Variants in ZNF414 observed in about 807,000 individuals in gnomAD.
ZNF414 encodes the protein zinc finger protein 414.
Under a neutral mutation model 38.3 loss-of-function variants are expected in ZNF414, and 32 were observed. That is an observed-to-expected ratio of 0.83 (90% CI 0.63 to 1.12). The LOEUF is 1.12. Among genes scored for constraint, ZNF414 ranks in the 50% most tolerant of loss-of-function variants. The pLI, the probability that ZNF414 is intolerant of heterozygous loss-of-function variation, is 0.00. For synonymous variants in ZNF414, 256 were observed against 248.0 expected (o/e 1.03, Z -0.30); for missense variants, 589 against 557.4 (o/e 1.06, Z -0.57).
At position 8,511,488 on chromosome 19, in the gene ZNF414, G is replaced by A; in HGVS notation, c.923C>T (p.Ser308Leu). The change falls in exon 6 of 8, where the codon TCA becomes TTA. Residue 308 changes from serine to leucine, a missense_variant and splice_region_variant. Ser to Leu is a moderately radical substitution (Grantham distance 145). Coordinates refer to ENST00000393927, the MANE Select transcript of ZNF414 (RefSeq NM_001146175.2). ...CCCTGGTGGTCACCTGCACGCACCTGAGGGCGCGTCGGAGCCGCCCTGGGG... is the reference window on the plus strand; with the variant it reads ...CCCTGGTGGTCACCTGCACGCACCTAAGGGCGCGTCGGAGCCGCCCTGGGG... ...RRPQGGSDAP[S>L]GHAAPSRIVW... The A allele has an allele frequency of 6.2e-7, 1 of 1,610,892 alleles. No individual in the cohort carries two copies.
chr19:8,513,028 C>G lies in ZNF414; in HGVS notation c.316+1G>C. ...CCCCAGAAGACCCCATCACAGATCA[C>G]CTGGAGGTGGGCGTCGTCTGGGAGG... On this transcript the variant is annotated splice_donor_variant, in intron 2 of 7. Transcript: ENST00000393927. LOFTEE classifies it high-confidence loss of function. The G allele has an allele frequency of 6.9e-7, 1 of 1,458,192 alleles. No individual in the cohort carries two copies. The highest frequency in any genetic ancestry group is 9.0e-7 in the Non-Finnish European group (1 of 1,107,218). 90.3% of individuals were successfully genotyped at this position (1,458,192 alleles called of 1,614,324 possible).
At chr19:8,512,315 G>A in intron 4 of ZNF414, 72 bp downstream of exon 4, 2 of 1,576,878 alleles carry the variant, frequency 1.3e-6, no homozygotes, top group Non-Finnish European at 8.7e-7. Flanking sequence ...TGACCAGGAA[G>A]GGAGGAAGGC....
At position 8,512,413 on chromosome 19, in the gene ZNF414, C is replaced by T; in HGVS notation, c.504G>A (p.Leu168=). 6.2e-7 allele frequency: 1 copy of T among 1,614,060 alleles called. No individual in the cohort carries two copies. Among genetic ancestry groups the T allele is most frequent in the Non-Finnish European group, 8.5e-7 (1 of 1,180,016 alleles). ...TGAAGTAGCGATTGGGTTTGTAGTG[C>T]AGTTTGCTGTGAGCCACCAGCTCCT... ...SMQELVAHSK[L]HYKPNRYFKC... Residue 168 remains leucine, a synonymous_variant, in exon 4 of 8, where the codon CTG becomes CTA. Coordinates refer to ENST00000393927, the MANE Select transcript of ZNF414 (RefSeq NM_001146175.2).
In ZNF414 at chr19:8,511,795, C is replaced by G. The variant is rs777156437; in HGVS notation, c.696G>C (p.Pro232=). 7 of 1,403,824 alleles carry G rather than the reference C, an allele frequency of 5.0e-6. No individual in the cohort carries two copies. The highest frequency in any genetic ancestry group is 5.5e-6 in the Non-Finnish European group (6 of 1,087,284). 87.0% of individuals were successfully genotyped at this position (1,403,824 alleles called of 1,614,324 possible). Residue 232 remains proline, a synonymous_variant, in exon 5 of 8, where the codon CCG becomes CCC. Coordinates refer to ENST00000393927, the MANE Select transcript of ZNF414 (RefSeq NM_001146175.2). The part of the protein sequence containing the change: ...RPPEVDPASA[P]GLPFPLLEPF... ...GTTCCAGCAGCGGGAACGGCAGGCC[C>G]GGCGCTGATGCGGGGTCAACCTCCG...
intron 6 of ZNF414, 178 bp from the exon 7 acceptor site, chr19:8,511,202 T>G: frequency 1.5e-6 from 2 of 1,316,550 alleles, no homozygotes; most frequent in Non-Finnish European, 1.9e-6. Context: ...GGCACCCAAC[T>G]TGGCTTCTCC....
chr19:8,512,063 G>T (rs73002688), intron 4 of ZNF414, 103 bp from the exon 5 acceptor site: 304,567 of 1,397,052 alleles, frequency 0.22, 36,480 homozygotes, highest in Non-Finnish European at 0.25. Flanking sequence ...ACGGAGCCTG[G>T]GCACTAATCA....
rs762315083 is a variant in ZNF414, at chr19:8,512,473, T to C, written c.444A>G (p.Ser148=). 1 of 1,613,484 alleles carries C rather than the reference T, an allele frequency of 6.2e-7. No individual in the cohort carries two copies. Among genetic ancestry groups the C allele is most frequent in the Admixed American group, 1.7e-5 (1 of 59,954 alleles). The part of the protein sequence containing the change: ...QSLEGKLFRC[S]ALSCTETFPS... Reference sequence around the variant, plus strand: ...GGAAGGTCTCGGTGCAGCTCAGGGCTGAGCAGCGGAAGAGCTTGCCTGGTA... The same window carrying C: ...GGAAGGTCTCGGTGCAGCTCAGGGCCGAGCAGCGGAAGAGCTTGCCTGGTA... Residue 148 remains serine, a synonymous_variant, in exon 4 of 8, where the codon TCA becomes TCG. Coordinates refer to ENST00000393927, the MANE Select transcript of ZNF414 (RefSeq NM_001146175.2).
In ZNF414 at chr19:8,511,920, G is replaced by C; in HGVS notation, c.571C>G (p.Leu191Val). Reference protein sequence around the residue: ...CLLRFRTHRSLFKHLHVCAEH... With the variant: ...CLLRFRTHRSVFKHLHVCAEH... ...GCGCAAACATGCAGGTGCTTGAAGA[G>C]CGAGCGGTGCGTGCGGAAGCGCAGG... The change falls in exon 5 of 8, where the codon CTC (leucine) becomes GTC (valine). Residue 191 changes from leucine to valine, a missense_variant. Coordinates refer to ENST00000393927, the MANE Select transcript of ZNF414 (RefSeq NM_001146175.2). 7.1e-7 allele frequency: 1 copy of C among 1,416,960 alleles called. No homozygotes were observed. Among genetic ancestry groups the C allele is most frequent in the Non-Finnish European group, 9.1e-7 (1 of 1,093,504 alleles). 87.8% of individuals were successfully genotyped at this position (1,416,960 alleles called of 1,614,324 possible).
chr19:8,511,690 C>T lies in ZNF414; in HGVS notation c.801G>A (p.Pro267=). The part of the protein sequence containing the change: ...LNPAPFGLSP[P]RLRPFLAAAP... ...CAGCGGCCAGGAAGGGGCGCAGGCG[C>T]GGGGGGCTTAGGCCAAAGGGCGCAG... Residue 267 remains proline (P), a synonymous_variant, in exon 5 of 8, where the codon CCG becomes CCA. Transcript: ENST00000393927. 6.7e-7 allele frequency: 1 copy of T among 1,491,430 alleles called. No individual in the cohort carries two copies. Among genetic ancestry groups the T allele is most frequent in the Non-Finnish European group, 8.9e-7 (1 of 1,126,224 alleles). 92.4% of individuals were successfully genotyped at this position (1,491,430 alleles called of 1,614,324 possible).
rs1220764039 is a variant in ZNF414 at position 8,509,944 on chromosome 19, C to G, written c.*747G>C. ...AGGTGCTCCACCTGCCCCAGCCTCC[C>G]AAAGTGCTGGGATTACAGGCGTGAG... On this transcript the variant is annotated 3_prime_UTR_variant, in exon 8 of 8. Coordinates refer to ENST00000393927, the MANE Select transcript of ZNF414 (RefSeq NM_001146175.2). 6.6e-6 allele frequency: 1 copy of G among 151,880 alleles called. No homozygotes were observed. The highest frequency in any genetic ancestry group is 2.4e-5 in the African/African-American group (1 of 41,422). The allele number at this position is 151,880 out of a possible 1,614,324, so 9.4% of individuals were successfully genotyped here. A position where few individuals can be genotyped will look rare whatever the true frequency, so the allele number is the denominator to read the frequency against.
Position 8,511,657 on chromosome 19 carries a change from C to T in ZNF414, c.834G>A (p.Gly278=), listed in dbSNP as rs779237227. ...RLRPFLAAAP[G]PPASSAAVWK... is the part of the protein sequence containing the mutation. The stretch of plus-strand genomic sequence containing the variant: ...AGACGGCGGCGCTGGAAGCCGGCGG[C>T]CCGGGTGCAGCGGCCAGGAAGGGGC... The change falls in exon 5 of 8, where the codon GGG becomes GGA. Residue 278 remains glycine (G), a synonymous_variant. Transcript: ENST00000393927. The T allele has an allele frequency of 1.3e-6, 2 of 1,502,502 alleles. No homozygotes were observed. Among genetic ancestry groups the T allele is most frequent in the Non-Finnish European group, 8.8e-7 (1 of 1,130,128 alleles). 93.1% of individuals were successfully genotyped at this position (1,502,502 alleles called of 1,614,324 possible). A position where few individuals can be genotyped will look rare whatever the true frequency, so the allele number is the denominator to read the frequency against.
Position 8,512,494 on chromosome 19 carries a change from T to C in ZNF414, c.425-2A>G. ...GGGCTGAGCAGCGGAAGAGCTTGCC[T>C]GGTAGGGATGAAGGACAGAGAAGTG... is the stretch of plus-strand genomic sequence containing the variant. On this transcript the variant is annotated splice_acceptor_variant, in intron 3 of 7. Transcript: ENST00000393927. LOFTEE classifies it high-confidence loss of function. The C allele has an allele frequency of 1.2e-6, 2 of 1,613,986 alleles. No individual in the cohort carries two copies. The highest frequency in any genetic ancestry group is 1.7e-6 in the Non-Finnish European group (2 of 1,179,992).
At position 8,512,636 on chromosome 19, in the gene ZNF414, C is replaced by T. The variant is rs756970263; in HGVS notation, c.392G>A (p.Arg131Gln). The change falls in exon 3 of 8, where the codon CGA becomes CAA. Residue 131 changes from arginine to glutamine, a missense_variant. Arg to Gln is a conservative substitution (Grantham distance 43). Transcript: ENST00000393927. Reference protein sequence around the residue: ...PSVRDLAQHLRTHCPPTQSLE... With the variant: ...PSVRDLAQHLQTHCPPTQSLE... Reference sequence around the variant, plus strand: ...GGACTGTGTGGGCGGGCAGTGGGTTCGCAGATGCTGTGCCAGGTCACGGAC... The same window carrying T: ...GGACTGTGTGGGCGGGCAGTGGGTTTGCAGATGCTGTGCCAGGTCACGGAC... The T allele has an allele frequency of 2.1e-5, 33 of 1,592,852 alleles. No individual in the cohort carries two copies. The highest frequency in any genetic ancestry group is 7.9e-5 in the South Asian group (7 of 88,112).
Position 8,510,972 on chromosome 19 carries a change from C to T in ZNF414, c.978G>A (p.Ser326=), listed in dbSNP as rs1293780458. The part of the protein sequence containing the change: ...IVWEHTRGRY[S]CMQCAFSTAS... Reference sequence around the variant, plus strand: ...CCGTGGAGAAGGCGCACTGCATGCACGAGTAGCGGCCGCGTGTGTGCTCCC... The same window carrying T: ...CCGTGGAGAAGGCGCACTGCATGCATGAGTAGCGGCCGCGTGTGTGCTCCC... Residue 326 remains serine, a synonymous_variant, in exon 7 of 8, where the codon TCG becomes TCA. Coordinates refer to ENST00000393927, the MANE Select transcript of ZNF414 (RefSeq NM_001146175.2). 6 of 1,268,078 alleles carry T rather than the reference C, an allele frequency of 4.7e-6. No individual in the cohort carries two copies. The South Asian group carries it at 1.7e-4, about 36-fold the overall frequency. The allele number at this position is 1,268,078 out of a possible 1,614,324, so 78.6% of individuals were successfully genotyped here.
rs1264048287 is a variant in ZNF414, at chr19:8,513,238, G to A, written c.107C>T (p.Ala36Val). 1.6e-5 allele frequency: 25 copies of A among 1,587,670 alleles called. No individual in the cohort carries two copies. Among genetic ancestry groups the A allele is most frequent in the Non-Finnish European group, 2.1e-5 (25 of 1,174,092 alleles). Residue 36 changes from alanine to valine, a missense_variant, in exon 2 of 8, where the codon GCC (alanine) becomes GTC (valine). Coordinates refer to ENST00000393927, the MANE Select transcript of ZNF414 (RefSeq NM_001146175.2). Reference sequence around the variant, plus strand: ...CTCCTCCGACATGGAGGAGGAAGGGGCTGCAGCTGGCACAGCCGGGGACAA... The same window carrying A: ...CTCCTCCGACATGGAGGAGGAAGGGACTGCAGCTGGCACAGCCGGGGACAA... ...EVLSPAVPAA[A>V]PSSSMSEEPG...
Position 8,512,468 on chromosome 19 carries a change from A to C in ZNF414, c.449T>G (p.Leu150Arg). 1 of 1,613,914 alleles carries C rather than the reference A, an allele frequency of 6.2e-7. No homozygotes were observed. Among genetic ancestry groups the C allele is most frequent in the South Asian group, 1.1e-5 (1 of 91,070 alleles). Reference protein sequence around the residue: ...LEGKLFRCSALSCTETFPSMQ... With the variant: ...LEGKLFRCSARSCTETFPSMQ... ...GCTGGGGAAGGTCTCGGTGCAGCTC[A>C]GGGCTGAGCAGCGGAAGAGCTTGCC... Residue 150 changes from leucine to arginine, a missense_variant, in exon 4 of 8, where the codon CTG becomes CGG. Coordinates refer to ENST00000393927, the MANE Select transcript of ZNF414 (RefSeq NM_001146175.2).
intron 4 of ZNF414, 33 bp downstream of exon 4, chr19:8,512,354 G>C: frequency 6.2e-7 from 1 of 1,610,286 alleles, no homozygotes; most frequent in Non-Finnish European, 8.5e-7. Flanking sequence ...GTGAGGCTAG[G>C]GCAGGGCGGA....
At chr19:8,513,409 A>G (rs1830088457) in intron 1 of ZNF414, 68 bp from the exon 2 acceptor site, 3 of 1,434,422 alleles carry the variant, frequency 2.1e-6, no homozygotes, top group Non-Finnish European at 2.8e-6. Flanking sequence ...CCCCATCCTA[A>G]GGAATCACCA....
intron 1 of ZNF414, 97 bp downstream of exon 1, chr19:8,513,947 T>C (rs1971954233): frequency 7.7e-7 from 1 of 1,300,196 alleles, no homozygotes; most frequent in Non-Finnish European, 9.8e-7. Flanking sequence ...TGCCCGGATG[T>C]GGGGGCGGGG....
Sources: gnomAD v4.1 joint callset for allele counts on GRCh38, gnomAD v4.1.1 for gene constraint, MANE v1.5 for transcripts, NCBI Gene and HGNC (gene_info 2026-07-23, HGNC 2026-07-21) for gene names.